SOX6: variants seen among roughly 807,000 people sequenced by gnomAD.
SOX6 encodes transcription factor SOX-6.
In SOX6, 11 loss-of-function variants were observed where a neutral mutation model predicts 97.8. The ratio of observed to expected loss-of-function variants is 0.11; its 90% CI spans 0.07 to 0.19. The LOEUF is 0.19. Among genes scored for constraint, SOX6 ranks in the 10% least tolerant of loss-of-function variants. The pLI, the probability that SOX6 is intolerant of heterozygous loss-of-function variation, is 1.00. For synonymous variants in SOX6, 360 were observed against 371.4 expected, an observed-to-expected ratio of 0.97 and a Z score of 0.35; for missense variants, 810 against 1,039.5, an observed-to-expected ratio of 0.78 and a Z score of 3.04.
At position 16,341,258 on chromosome 11, in the gene SOX6, GA is replaced by G. The variant is rs745954076; in HGVS notation, c.-4-7del. ...CTTGCTTGGAAGACATTCTTCTGCA[GA>G]AAAAAAACAGAACGGATTAAAAATG... On this transcript the variant is annotated splice_region_variant and splice_polypyrimidine_tract_variant and intron_variant, in intron 1 of 15. Transcript: ENST00000683767. 1.8e-5 allele frequency: 29 copies of G among 1,609,124 alleles called. No individual in the cohort carries two copies. In the South Asian group the frequency reaches 2.0e-4, roughly 11 times the overall value.
chr11:16,514,670 A>T (rs938541234), intron 4 of SOX6, among the ~76,000 whole-genome samples: 1 of 148,550 alleles, frequency 6.7e-6, no homozygotes, highest in African/African-American at 2.5e-5. Context: ...AGCATTAGGT[A>T]TATCTCCCAA....
In SOX6 at chr11:16,015,013, G is replaced by A. The variant is rs376672338; in HGVS notation, c.1661C>T (p.Thr554Met). Residue 554 changes from threonine to methionine, a missense_variant, in exon 13 of 16, where the codon ACG becomes ATG. Coordinates refer to ENST00000683767, the MANE Select transcript of SOX6 (RefSeq NM_001367873.1). Reference protein sequence around the residue: ...TRFENLGPQLTGKSNEDGKLG... With the variant: ...TRFENLGPQLMGKSNEDGKLG... ...TTTTCCATCTTCATTTGACTTTCCC[G>A]TTAACTGGGGCCCCAAATTCTCAAA... 1.1e-5 allele frequency: 17 copies of A among 1,612,846 alleles called. No homozygotes were observed. Among genetic ancestry groups the A allele is most frequent in the African/African-American group, 5.3e-5 (4 of 74,920 alleles).
chr11:16,328,864 T>G (rs917462261), intron 2 of SOX6, among the ~76,000 whole-genome samples: 29 of 152,148 alleles, frequency 1.9e-4, no homozygotes, highest in Non-Finnish European at 3.7e-4. Flanking sequence ...TATGTTTTTT[T>G]CTAATGTGAC....
intron 4 of SOX6, among the ~76,000 whole-genome samples, chr11:16,530,274 G>A (rs976923417): frequency 2.6e-5 from 4 of 152,156 alleles, no homozygotes; most frequent in African/African-American, 9.6e-5. Flanking sequence ...ACACATGGTA[G>A]ATACTCAGTA....
At chr11:16,669,468 C>G (rs565917646) in intron 3 of SOX6, among the ~76,000 whole-genome samples, 21 of 152,310 alleles carry the variant, frequency 1.4e-4, no homozygotes, top group African/African-American at 4.6e-4. Flanking sequence ...AGCAGCCCTA[C>G]AGAAAAGTGG....
At chr11:16,692,839 G>C (rs923254997) in intron 3 of SOX6, among the ~76,000 whole-genome samples, 1 of 151,972 alleles carries the variant, frequency 6.6e-6, no homozygotes, top group Non-Finnish European at 1.5e-5. Flanking sequence ...ATTAGAGATT[G>C]TTTATAAACA....
intron 9 of SOX6, among the ~76,000 whole-genome samples, chr11:16,082,207 G>C (rs959643356): frequency 2.0e-5 from 3 of 152,100 alleles, no homozygotes; most frequent in Non-Finnish European, 2.9e-5. Flanking sequence ...ACAGCTGTGT[G>C]AATGTGAAAA....
chr11:16,196,487 T>C (rs1851776675), intron 4 of SOX6, among the ~76,000 whole-genome samples: 1 of 152,184 alleles, frequency 6.6e-6, no homozygotes. Flanking sequence ...AAATATACTG[T>C]TTACTAAAGT....
In SOX6 at chr11:16,213,923, T is replaced by G. The variant is rs997110028; in HGVS notation, c.535+20659A>C. Among the ~76,000 whole-genome samples the G allele has an allele frequency of 2.0e-5, 3 of 152,196 alleles. No individual in the cohort carries two copies. In the East Asian group the frequency reaches 5.8e-4, roughly 29 times the overall value. On this transcript the variant is annotated intron_variant, in intron 4 of 15. Transcript: ENST00000683767. Reference sequence around the variant, plus strand: ...ATGGTATCATAGAAACGTCTTGTTATATATACCTGTAGATTCTACATTTTG... The same window carrying G: ...ATGGTATCATAGAAACGTCTTGTTAGATATACCTGTAGATTCTACATTTTG...
chr11:16,530,272 T>C (rs531499562), intron 4 of SOX6, among the ~76,000 whole-genome samples: 28 of 152,198 alleles, frequency 1.8e-4, no homozygotes, highest in Admixed American at 1.2e-3. Flanking sequence ...TAACACATGG[T>C]AGATACTCAG....
chr11:16,589,740 C>T (rs925352054), intron 4 of SOX6, among the ~76,000 whole-genome samples: 2 of 152,064 alleles, frequency 1.3e-5, no homozygotes, highest in Non-Finnish European at 2.9e-5. Context: ...CCCTATTGTA[C>T]TTTCAGATGT....
At chr11:16,590,335 C>T (rs1301735270) in intron 4 of SOX6, among the ~76,000 whole-genome samples, 1 of 152,144 alleles carries the variant, frequency 6.6e-6, no homozygotes, top group African/African-American at 2.4e-5. Context: ...ATCTCAACAA[C>T]AAGTTCCTTT....
intron 4 of SOX6, among the ~76,000 whole-genome samples, chr11:16,556,396 A>T (rs1029339267): frequency 1.7e-4 from 26 of 151,900 alleles, no homozygotes; most frequent in African/African-American, 6.3e-4. Flanking sequence ...CTCAGAAAAC[A>T]TCACATTTTC....
intron 1 of SOX6, among the ~76,000 whole-genome samples, chr11:16,342,134 G>A (rs1325324528): frequency 2.0e-5 from 3 of 151,796 alleles, no homozygotes; most frequent in Non-Finnish European, 4.4e-5. Flanking sequence ...TTGACTACAC[G>A]CTACATGACA....
intron 3 of SOX6, among the ~76,000 whole-genome samples, chr11:16,248,345 C>A (rs553889059): frequency 6.6e-5 from 10 of 152,270 alleles, no homozygotes; most frequent in Admixed American, 4.6e-4. Context: ...AGGCAGTGCC[C>A]CAGTGGGGAC....
At chr11:16,640,307 T>C (rs918955455) in intron 3 of SOX6, among the ~76,000 whole-genome samples, 1 of 152,188 alleles carries the variant, frequency 6.6e-6, no homozygotes, top group Non-Finnish European at 1.5e-5. Context: ...CTGGATTCGG[T>C]TTGCCAGTAT....
chr11:16,034,650 T>C (rs182949921), intron 12 of SOX6, among the ~76,000 whole-genome samples: 1 of 152,234 alleles, frequency 6.6e-6, no homozygotes, highest in East Asian at 1.9e-4. Flanking sequence ...TAATCAAGTA[T>C]AGTAATACCC....
In SOX6 at chr11:16,033,296, G is replaced by T. The variant is rs548827034; in HGVS notation, c.1623+13218C>A. 3.1e-4 allele frequency among the ~76,000 whole-genome samples: 47 copies of T among 152,236 alleles called. 2 individuals carry two copies. In the South Asian group the frequency reaches 9.5e-3, roughly 31 times the overall value. On this transcript the variant is annotated intron_variant, in intron 12 of 15. Coordinates refer to ENST00000683767, the MANE Select transcript of SOX6 (RefSeq NM_001367873.1). The stretch of plus-strand genomic sequence containing the variant: ...TATTTTCCACAACCTTATACAGTAT[G>T]TTCATCATTTCCACCTCCCAAGTGA...
At chr11:16,295,737 C>A (rs1855061769) in intron 3 of SOX6, among the ~76,000 whole-genome samples, 2 of 152,164 alleles carry the variant, frequency 1.3e-5, no homozygotes, top group South Asian at 4.1e-4. Flanking sequence ...ACCAAAAGAG[C>A]TTTGCTATTT....
Sources: allele counts gnomAD v4.1 joint callset (sites outside exome capture counted in the v4.1 genomes callset), GRCh38; gene constraint gnomAD v4.1.1; transcripts MANE v1.5; gene names NCBI Gene and HGNC (gene_info 2026-07-23, HGNC 2026-07-21).